EML6: variants seen among roughly 807,000 people sequenced by gnomAD.
EML6 encodes EMAP like 6, also known as echinoderm microtubule-associated protein-like 6.
EML6 carries 154 observed loss-of-function variants against 240.1 expected under a neutral mutation model. The observed-to-expected ratio is 0.64, with a 90% confidence interval of 0.56 to 0.73. The LOEUF is 0.73. Ranked by LOEUF, EML6 falls within the 30% of genes least tolerant of loss-of-function variation. The pLI is 0.00. For synonymous variants in EML6, 1,148 were observed against 899.0 expected, an observed-to-expected ratio of 1.28 and a Z score of -4.95; for missense variants, 2,964 against 2,474.6, an observed-to-expected ratio of 1.20 and a Z score of -4.20.
chr2:54,797,309 A>G (rs1364888145), intron 2 of EML6, among the ~76,000 whole-genome samples: 2 of 152,116 alleles, frequency 1.3e-5, no homozygotes, highest in Non-Finnish European at 2.9e-5. Context: ...AGGGGCCAGT[A>G]TAGACAATAA....
At chr2:54,969,821 G>C (rs1027127844) in intron 41 of EML6, among the ~76,000 whole-genome samples, 3 of 152,088 alleles carry the variant, frequency 2.0e-5, no homozygotes, top group Non-Finnish European at 4.4e-5. Context: ...AGTCCTCACG[G>C]ACCAACATTT....
intron 2 of EML6, among the ~76,000 whole-genome samples, chr2:54,729,013 C>T (rs1309026794): frequency 1.3e-5 from 2 of 152,218 alleles, no homozygotes; most frequent in African/African-American, 4.8e-5. Flanking sequence ...ACTTTGCTGT[C>T]AGTCATACTT....
chr2:54,848,199 C>G (rs1669872489), intron 9 of EML6, among the ~76,000 whole-genome samples: 2 of 152,110 alleles, frequency 1.3e-5, no homozygotes, highest in African/African-American at 4.8e-5. Flanking sequence ...TACTGACATC[C>G]TATATACTTT....
intron 11 of EML6, among the ~76,000 whole-genome samples, chr2:54,856,608 A>G (rs1670395151): frequency 6.6e-6 from 1 of 152,186 alleles, no homozygotes; most frequent in South Asian, 2.1e-4. Flanking sequence ...TATGTCATGG[A>G]TAAGCTTGAT....
Position 54,970,137 on chromosome 2 carries a change from G to A in EML6, c.*42G>A, listed in dbSNP as rs1266123841. 24 of 1,546,892 alleles carry A rather than the reference G, an allele frequency of 1.6e-5. No individual in the cohort carries two copies. Among genetic ancestry groups the A allele is most frequent in the Non-Finnish European group, 1.8e-5 (20 of 1,142,824 alleles). On this transcript the variant is annotated 3_prime_UTR_variant, in exon 42 of 42. Transcript: ENST00000356458. ...TATGTTATTGCTGCTGCTGCTACCAGCCAGCAACTGCAGAGGCCATGCTGA... is the reference window on the plus strand; with the variant it reads ...TATGTTATTGCTGCTGCTGCTACCAACCAGCAACTGCAGAGGCCATGCTGA...
intron 9 of EML6, 105 bp downstream of exon 9, chr2:54,847,728 C>A: frequency 3.2e-6 from 4 of 1,262,668 alleles, no homozygotes; most frequent in Non-Finnish European, 4.4e-6. Flanking sequence ...ATCCATTTAG[C>A]CATTCAAATA....
In EML6 at chr2:54,971,310, C is replaced by T. The variant is rs1677000492; in HGVS notation, c.*1215C>T. The T allele has an allele frequency of 1.3e-5, 2 of 152,230 alleles. No homozygotes were observed. Among genetic ancestry groups the T allele is most frequent in the African/African-American group, 2.4e-5 (1 of 41,448 alleles). The allele number at this position is 152,230 out of a possible 1,614,324, so 9.4% of individuals were successfully genotyped here. On this transcript the variant is annotated 3_prime_UTR_variant, in exon 42 of 42. Coordinates refer to ENST00000356458, the MANE Select transcript of EML6 (RefSeq NM_001039753.4). The stretch of plus-strand genomic sequence containing the variant: ...TACCAGAAGCCATCCGTAAGCCCCT[C>T]AGTCACACTTTCCATGTAGCTGACC...
rs1553380348 is a variant in EML6, at chr2:54,797,167, A to AAAAAAAAC, written c.198-16058_198-16057insCAAAAAAA. On this transcript the variant is annotated intron_variant, in intron 2 of 41. Transcript: ENST00000356458. ...GTGACAGAGCAAGACTCCATCTCAA[A>AAAAAAAAC]AAAAAAAAAAAAAAAAAAAAAACTG... 1.8e-5 allele frequency among the ~76,000 whole-genome samples: 2 copies of AAAAAAAAC among 114,020 alleles called. 1 individual carries two copies. The highest frequency in any genetic ancestry group is 1.7e-4 in the Admixed American group (2 of 11,850). The allele number at this position is 114,020 out of a possible 152,430, so 74.8% of individuals were successfully genotyped here. A position where few individuals can be genotyped will look rare whatever the true frequency, so the allele number is the denominator to read the frequency against.
intron 2 of EML6, among the ~76,000 whole-genome samples, chr2:54,786,182 T>G (rs1669078304): frequency 6.6e-6 from 1 of 152,072 alleles, no homozygotes; most frequent in Non-Finnish European, 1.5e-5. Context: ...GCCCTGTGGC[T>G]CCTATGCTTA....
chr2:54,879,907 G>C (rs1026976801), intron 17 of EML6: 5 of 356,906 alleles, frequency 1.4e-5, no homozygotes, highest in Non-Finnish European at 2.5e-5. Context: ...TGTGTAATCT[G>C]TATCAAAGCA....
At chr2:54,787,677 C>A (rs767831363) in intron 2 of EML6, among the ~76,000 whole-genome samples, 1 of 152,136 alleles carries the variant, frequency 6.6e-6, no homozygotes, top group East Asian at 1.9e-4. Flanking sequence ...GCATTTTGCT[C>A]ATGGGGAACT....
chr2:54,724,138 G>A lies in EML6; in HGVS notation c.-514+361G>A, dbSNP rs73934805. On this transcript the variant is annotated intron_variant, in intron 1 of 41. Coordinates refer to ENST00000356458, the MANE Select transcript of EML6 (RefSeq NM_001039753.4). The surrounding 1 kb of genome is among the most constrained non-coding windows in gnomAD (Gnocchi z 5.2). ...CTCCCTCCGACTGCACTAGTGCCTC[G>A]TTTCTTCCGAGTAAGACAATCTTTC... Among the ~76,000 whole-genome samples, 4,235 of 152,182 alleles carry A rather than the reference G, an allele frequency of 0.028. 185 individuals carry two copies. The highest frequency in any genetic ancestry group is 0.094 in the African/African-American group (3,890 of 41,512).
rs199675739 is a variant in EML6 at position 54,853,846 on chromosome 2, C to G, written c.1648C>G (p.Leu550Val). 266 of 1,550,130 alleles carry G rather than the reference C, an allele frequency of 1.7e-4. No individual in the cohort carries two copies. The highest frequency in any genetic ancestry group is 2.2e-4 in the Non-Finnish European group (253 of 1,145,832). The change falls in exon 11 of 42, where the codon CTC becomes GTC. Residue 550 changes from leucine (L) to valine (V), a missense_variant. By Grantham distance (32) the Leu-to-Val change is conservative (BLOSUM62 1). Coordinates refer to ENST00000356458, the MANE Select transcript of EML6 (RefSeq NM_001039753.4). ...GGTTAAATTGTTTAAATTTCCTTGTCTCAAGAGAGGTAAGGCCAAAAGAGA... is the reference window on the plus strand; with the variant it reads ...GGTTAAATTGTTTAAATTTCCTTGTGTCAAGAGAGGTAAGGCCAAAAGAGA... ...GLVKLFKFPC[L>V]KRGAKFRKYV...
intron 28 of EML6, among the ~76,000 whole-genome samples, chr2:54,940,409 C>A (rs1005380782): frequency 2.8e-4 from 43 of 152,052 alleles, no homozygotes; most frequent in African/African-American, 1.0e-3. Context: ...AAATTAATAG[C>A]CTTCTTTAAT....
chr2:54,778,034 C>T (rs1434198613), intron 2 of EML6, among the ~76,000 whole-genome samples: 1 of 152,162 alleles, frequency 6.6e-6, no homozygotes, highest in African/African-American at 2.4e-5. Flanking sequence ...GCATTCATCA[C>T]CTAAACTTTC....
intron 21 of EML6, among the ~76,000 whole-genome samples, chr2:54,898,581 T>G (rs536382622): frequency 6.6e-6 from 1 of 152,330 alleles, no homozygotes; most frequent in East Asian, 1.9e-4. Flanking sequence ...CAGTTGTATT[T>G]GGAACTTTAC....
At chr2:54,950,847 G>A in intron 30 of EML6, 68 bp downstream of exon 30, 1 of 1,474,700 alleles carries the variant, frequency 6.8e-7, no homozygotes, top group Non-Finnish European at 9.1e-7. Context: ...CCACTCTTTA[G>A]ATGCCCAAAA....
At chr2:54,903,569 T>C in intron 24 of EML6, 67 bp downstream of exon 24, 1 of 1,421,296 alleles carries the variant, frequency 7.0e-7, no homozygotes, top group Non-Finnish European at 9.5e-7. Context: ...ATGCATTGTT[T>C]CTAGAGAGAA....
chr2:54,929,141 G>A (rs1363398505), intron 28 of EML6, among the ~76,000 whole-genome samples: 1 of 152,194 alleles, frequency 6.6e-6, no homozygotes, highest in Non-Finnish European at 1.5e-5. Context: ...AGGAATGGCT[G>A]CAGAGTTGTG....
Sources: allele counts gnomAD v4.1 joint callset (sites outside exome capture counted in the v4.1 genomes callset), GRCh38; gene constraint gnomAD v4.1.1; non-coding constraint Gnocchi (gnomAD v3.1); transcripts MANE v1.5; gene names NCBI Gene and HGNC (gene_info 2026-07-23, HGNC 2026-07-21).